The following MAMLD1 variants were observed in gnomAD, a reference collection of about 807,000 sequenced individuals.
The protein encoded by MAMLD1 is mastermind like domain containing 1, also known as mastermind-like domain-containing protein 1.
In MAMLD1, 14 loss-of-function variants were observed where a neutral mutation model predicts 45.0. The observed-to-expected ratio is 0.31, with a 90% confidence interval of 0.21 to 0.49. The LOEUF (loss-of-function observed/expected upper bound fraction) is 0.49, where lower values mean the gene tolerates loss of function less well. Among genes scored for constraint, MAMLD1 ranks in the 20% least tolerant of loss-of-function variants. The pLI, the probability that MAMLD1 is intolerant of heterozygous loss-of-function variation, is 0.99. For synonymous variants in MAMLD1, 254 were observed against 247.8 expected (o/e 1.02, Z -0.24); for missense variants, 543 against 603.6 (o/e 0.90, Z 1.05).
intron 1 of MAMLD1, among the ~76,000 whole-genome samples, chrX:150,376,309 G>C (rs1225560597): frequency 8.9e-6 from 1 of 112,265 alleles, no homozygotes; most frequent in African/African-American, 3.2e-5. Flanking sequence ...TGTTACATAA[G>C]TGATAACAGT....
chrX:150,481,999 A>G (rs1448228389), intron 5 of MAMLD1, among the ~76,000 whole-genome samples: 1 of 107,174 alleles, frequency 9.3e-6, no homozygotes, highest in African/African-American at 3.4e-5. Flanking sequence ...AAAGAAAGAA[A>G]GAAAGAAAGA....
At chrX:150,502,220 A>G (rs782575493) in intron 5 of MAMLD1, among the ~76,000 whole-genome samples, 1 of 113,025 alleles carries the variant, frequency 8.8e-6, no homozygotes, top group African/African-American at 3.2e-5. Context: ...GTTTATTGCA[A>G]TAAGTTGAAG....
intron 5 of MAMLD1, among the ~76,000 whole-genome samples, chrX:150,500,212 G>A (rs940726355): frequency 1.8e-5 from 2 of 111,596 alleles, no homozygotes; most frequent in African/African-American, 6.5e-5. Flanking sequence ...GCTTCATCTC[G>A]AAAGACACAC....
At chrX:150,442,281 T>C (rs1398235857) in intron 1 of MAMLD1, among the ~76,000 whole-genome samples, 1 of 111,576 alleles carries the variant, frequency 9.0e-6, no homozygotes, top group East Asian at 2.8e-4. Context: ...TTTTCATTTA[T>C]TGTATTTATT....
At chrX:150,504,126 C>T in intron 6 of MAMLD1, 1 of 751,173 alleles carries the variant, frequency 1.3e-6, no homozygotes, top group East Asian at 1.5e-4. Context: ...GTCCAAGAGG[C>T]CTGTGAGTTG....
intron 1 of MAMLD1, among the ~76,000 whole-genome samples, chrX:150,394,805 T>C (rs2033351282): frequency 8.9e-6 from 1 of 111,953 alleles, no homozygotes; most frequent in Non-Finnish European, 1.9e-5. Context: ...TAATGACTTA[T>C]TGGTTCCAAT....
At chrX:150,369,937 T>C (rs1255612625) in intron 1 of MAMLD1, among the ~76,000 whole-genome samples, 3 of 109,418 alleles carry the variant, frequency 2.7e-5, no homozygotes, top group Non-Finnish European at 5.7e-5. Context: ...ATTGATTTTT[T>C]AAAGGGGCAG....
chrX:150,468,711 C>A (rs1317582250), intron 3 of MAMLD1, among the ~76,000 whole-genome samples: 1 of 111,555 alleles, frequency 9.0e-6, no homozygotes, highest in Non-Finnish European at 1.9e-5. Context: ...GGCAGCTCCC[C>A]CAAGGTTCAG....
rs782347845 is a variant in MAMLD1, at chrX:150,512,302, A to G, written c.*343A>G. ...TGCAGAGTCCCAAGGCCACCCCACCAGAAGTGCCCCTGCCTGGGTTCTGTC... is the reference window on the plus strand; with the variant it reads ...TGCAGAGTCCCAAGGCCACCCCACCGGAAGTGCCCCTGCCTGGGTTCTGTC... On this transcript the variant is annotated 3_prime_UTR_variant, in exon 8 of 8. Coordinates refer to ENST00000370401, the MANE Select transcript of MAMLD1 (RefSeq NM_005491.5). 101 of 1,125,219 alleles carry G rather than the reference A, an allele frequency of 9.0e-5. No individual in the cohort carries two copies. In the African/African-American group the frequency reaches 1.2e-3, roughly 14 times the overall value. The allele number at this position is 1,125,219 out of a possible 1,213,427, so 92.7% of individuals were successfully genotyped here. A position where few individuals can be genotyped will look rare whatever the true frequency, so the allele number is the denominator to read the frequency against.
In MAMLD1 at chrX:150,473,664, T is replaced by C; in HGVS notation, c.1918-16T>C. ...GGTCTGCAGTTCAGGAGCACTTTGG[T>C]TTGATTTTATTATAGGGCTGTTGCC... On this transcript the variant is annotated splice_polypyrimidine_tract_variant and intron_variant, in intron 4 of 7. Coordinates refer to ENST00000370401, the MANE Select transcript of MAMLD1 (RefSeq NM_005491.5). 8.3e-7 allele frequency: 1 copy of C among 1,210,199 alleles called. No homozygotes were observed. Among genetic ancestry groups the C allele is most frequent in the Admixed American group, 2.2e-5 (1 of 46,024 alleles).
intron 3 of MAMLD1, among the ~76,000 whole-genome samples, chrX:150,468,978 A>AGTGC (rs2036313625): frequency 6.0e-5 from 6 of 100,693 alleles, no homozygotes; most frequent in Non-Finnish European, 1.2e-4. Flanking sequence ...AATGTGTGAG[A>AGTGC]GTGTGTGTGT....
At chrX:150,365,001 G>A (rs1301778436) in intron 1 of MAMLD1, among the ~76,000 whole-genome samples, 1 of 112,126 alleles carries the variant, frequency 8.9e-6, no homozygotes, top group African/African-American at 3.2e-5. Flanking sequence ...CCGTGCACCC[G>A]CCGGGGCTTC....
intron 3 of MAMLD1, among the ~76,000 whole-genome samples, chrX:150,466,932 C>T (rs2036238148): frequency 8.9e-6 from 1 of 112,040 alleles, no homozygotes; most frequent in Non-Finnish European, 1.9e-5. Context: ...ATTTCAGAGG[C>T]TCACGTGGCA....
At chrX:150,497,154 G>A (rs2037404244) in intron 5 of MAMLD1, among the ~76,000 whole-genome samples, 1 of 111,863 alleles carries the variant, frequency 8.9e-6, no homozygotes, top group Non-Finnish European at 1.9e-5. Flanking sequence ...TTGCTTAGGG[G>A]ATACCCTGCT....
At chrX:150,410,396 T>C (rs2034096158) in intron 1 of MAMLD1, among the ~76,000 whole-genome samples, 1 of 112,571 alleles carries the variant, frequency 8.9e-6, no homozygotes, top group South Asian at 3.7e-4. Flanking sequence ...AATTTATCAT[T>C]GTGCACCTGC....
chrX:150,382,891 TTTTTTTTTTATTTTTTA>T (rs2032706473), intron 1 of MAMLD1, among the ~76,000 whole-genome samples: 3 of 33,370 alleles, frequency 9.0e-5, no homozygotes, highest in Non-Finnish European at 1.5e-4. Context: ...TTTTATTTTT[TTTTTTTTTTATTTTTTA>T]TTTTTTTTTT....
intron 1 of MAMLD1, among the ~76,000 whole-genome samples, chrX:150,382,807 A>T (rs1330451218): frequency 7.3e-5 from 8 of 109,893 alleles, no homozygotes; most frequent in African/African-American, 1.6e-4. Flanking sequence ...ATACTTGTTG[A>T]TGTAGTATAA....
intron 1 of MAMLD1, among the ~76,000 whole-genome samples, chrX:150,403,005 G>A (rs188072499): frequency 8.5e-4 from 94 of 110,051 alleles, no homozygotes; most frequent in African/African-American, 2.9e-3. Context: ...ACACCAGCAC[G>A]GCACATGTAT....
At chrX:150,487,922 A>C (rs1870512657) in intron 5 of MAMLD1, among the ~76,000 whole-genome samples, 1 of 113,013 alleles carries the variant, frequency 8.8e-6, no homozygotes, top group African/African-American at 3.2e-5. Context: ...TGTGTGTTGC[A>C]CAAGTGCTAT....
Sources: allele counts gnomAD v4.1 joint callset (sites outside exome capture counted in the v4.1 genomes callset), GRCh38; gene constraint gnomAD v4.1.1; transcripts MANE v1.5; gene names NCBI Gene and HGNC (gene_info 2026-07-23, HGNC 2026-07-21).